The following STEAP2 variants were observed in gnomAD, a reference collection of about 807,000 sequenced individuals.
STEAP2 encodes the protein metalloreductase STEAP2.
In STEAP2, 30 loss-of-function variants were observed where a neutral mutation model predicts 46.4. The ratio of observed to expected loss-of-function variants is 0.65; its 90% confidence interval spans 0.48 to 0.88. STEAP2 has a LOEUF of 0.88. STEAP2 is among the 40% of genes least tolerant of loss of function. The pLI, the probability that STEAP2 is intolerant of heterozygous loss-of-function variation, is 0.00. For missense variants in STEAP2, 513 were observed against 579.3 expected (o/e 0.89, Z 1.18); for synonymous variants, 180 against 200.5 (o/e 0.90, Z 0.86).
chr7:90,218,905 T>C (rs1387300643), intron 2 of STEAP2, among the ~76,000 whole-genome samples: 1 of 152,194 alleles, frequency 6.6e-6, no homozygotes, highest in Non-Finnish European at 1.5e-5. Flanking sequence ...TCCATAAGCA[T>C]GGAATGTTTT....
Position 90,225,262 on chromosome 7 carries a change from T to G in STEAP2, c.180T>G (p.Ser60Arg), listed in dbSNP as rs911315862. Residue 60 changes from serine to arginine, a missense_variant, in exon 3 of 6, where the codon AGT (serine) becomes AGG (arginine). Physicochemically the swap from Ser to Arg is moderately radical, Grantham distance 110 (BLOSUM62 -1). Transcript: ENST00000394621. Reference protein sequence around the residue: ...IRCGYHVVIGSRNPKFASEFF... With the variant: ...IRCGYHVVIGRRNPKFASEFF... ...GCGGCTATCATGTGGTCATAGGAAG[T>G]AGAAATCCTAAGTTTGCTTCTGAAT... 5.0e-6 allele frequency: 8 copies of G among 1,613,942 alleles called. No homozygotes were observed. Among genetic ancestry groups the G allele is most frequent in the African/African-American group, 1.3e-5 (1 of 74,918 alleles).
rs1452968002 is a variant in STEAP2 at position 90,225,339 on chromosome 7, C to G, written c.257C>G (p.Thr86Arg). ...CATCATGAAGATGCTCTCACAAAAA[C>G]AAATATAATATTTGTTGCTATACAC... The part of the protein sequence containing the change: ...VTHHEDALTK[T>R]NIIFVAIHRE... The change falls in exon 3 of 6, where the codon ACA becomes AGA. Residue 86 changes from threonine (T) to arginine (R), a missense_variant. Coordinates refer to ENST00000394621, the MANE Select transcript of STEAP2 (RefSeq NM_001244944.2). The G allele has an allele frequency of 6.2e-7, 1 of 1,613,908 alleles. No homozygotes were observed. Among genetic ancestry groups the G allele is most frequent in the South Asian group, 1.1e-5 (1 of 91,066 alleles).
In STEAP2 at chr7:90,236,228, C is replaced by T; in HGVS notation, c.*3604C>T. ...TTTATTTATGAAATATTTAAAGTTTCTAATGTGGTATTTTAAATAAAGTAT... is the reference window on the plus strand; with the variant it reads ...TTTATTTATGAAATATTTAAAGTTTTTAATGTGGTATTTTAAATAAAGTAT... On this transcript the variant is annotated 3_prime_UTR_variant, in exon 6 of 6. Coordinates refer to ENST00000394621, the MANE Select transcript of STEAP2 (RefSeq NM_001244944.2). 1 of 831,530 alleles carries T rather than the reference C, an allele frequency of 1.2e-6. No individual in the cohort carries two copies. The highest frequency in any genetic ancestry group is 1.4e-6 in the Non-Finnish European group (1 of 690,672). The allele number at this position is 831,530 out of a possible 1,614,324, so 51.5% of individuals were successfully genotyped here.
In STEAP2 at chr7:90,232,652, T is replaced by C. The variant is rs756611596; in HGVS notation, c.*28T>C. 9 of 1,569,766 alleles carry C rather than the reference T, an allele frequency of 5.7e-6. No homozygotes were observed. Among genetic ancestry groups the C allele is most frequent in the Non-Finnish European group, 7.8e-6 (9 of 1,157,910 alleles). On this transcript the variant is annotated 3_prime_UTR_variant, in exon 6 of 6. Coordinates refer to ENST00000394621, the MANE Select transcript of STEAP2 (RefSeq NM_001244944.2). Reference sequence around the variant, plus strand: ...ACAAATGGTGTTCACAGCTGCCATATAAAGTTCTACTCATGCCATTATTTT... The same window carrying C: ...ACAAATGGTGTTCACAGCTGCCATACAAAGTTCTACTCATGCCATTATTTT...
chr7:90,231,335 A>C (rs1001340658), intron 5 of STEAP2, among the ~76,000 whole-genome samples: 1 of 151,670 alleles, frequency 6.6e-6, no homozygotes, highest in African/African-American at 2.4e-5. Flanking sequence ...ATGCTCATTT[A>C]ATTTTAATTT....
rs1158829978 is a variant in STEAP2 at position 90,229,853 on chromosome 7, A to G, written c.1021-19A>G. The G allele has an allele frequency of 2.5e-6, 4 of 1,609,008 alleles. No individual in the cohort carries two copies. Among genetic ancestry groups the G allele is most frequent in the Non-Finnish European group, 3.4e-6 (4 of 1,177,580 alleles). On this transcript the variant is annotated intron_variant, in intron 4 of 5. Coordinates refer to ENST00000394621, the MANE Select transcript of STEAP2 (RefSeq NM_001244944.2). ...ATGTTCTACTAAATAAAGGAAATTC[A>G]CATTCGCTTTCTTGTTAGGTTCATG...
rs1304997038 is a variant in STEAP2 at position 90,233,189 on chromosome 7, T to A, written c.*565T>A. 1.0e-6 allele frequency: 1 copy of A among 973,396 alleles called. No homozygotes were observed. The highest frequency in any genetic ancestry group is 1.2e-6 in the Non-Finnish European group (1 of 819,132). 60.3% of individuals were successfully genotyped at this position (973,396 alleles called of 1,614,324 possible). On this transcript the variant is annotated 3_prime_UTR_variant, in exon 6 of 6. Transcript: ENST00000394621. ...AATTGTATGAAGCAATGTGATTATA[T>A]GAAGAGACACAAATTAAAAAGACAA...
chr7:90,232,672 T>C lies in STEAP2; in HGVS notation c.*48T>C, dbSNP rs1269743314. 9 of 1,513,078 alleles carry C rather than the reference T, an allele frequency of 5.9e-6. No individual in the cohort carries two copies. The highest frequency in any genetic ancestry group is 7.1e-6 in the Non-Finnish European group (8 of 1,130,620). 93.7% of individuals were successfully genotyped at this position (1,513,078 alleles called of 1,614,324 possible). On this transcript the variant is annotated 3_prime_UTR_variant, in exon 6 of 6. Coordinates refer to ENST00000394621, the MANE Select transcript of STEAP2 (RefSeq NM_001244944.2). Reference sequence around the variant, plus strand: ...CCATATAAAGTTCTACTCATGCCATTATTTTTATGACTTCTACGTTCAGTT... The same window carrying C: ...CCATATAAAGTTCTACTCATGCCATCATTTTTATGACTTCTACGTTCAGTT...
chr7:90,225,647 T>C (rs1795458923), intron 3 of STEAP2, 73 bp downstream of exon 3: 1 of 1,438,498 alleles, frequency 7.0e-7, no homozygotes, highest in African/African-American at 1.4e-5. Flanking sequence ...TATCAAACAT[T>C]TTAATACCAA....
rs184224039 is a variant in STEAP2 at position 90,236,969 on chromosome 7, C to G, written c.*4345C>G. On this transcript the variant is annotated 3_prime_UTR_variant, in exon 6 of 6. Coordinates refer to ENST00000394621, the MANE Select transcript of STEAP2 (RefSeq NM_001244944.2). Reference sequence around the variant, plus strand: ...CCTATTGACTCTACTTCTTTAAAAGCGGCTGCCCATTACATTCCTCAGCTG... The same window carrying G: ...CCTATTGACTCTACTTCTTTAAAAGGGGCTGCCCATTACATTCCTCAGCTG... 6.2e-7 allele frequency: 1 copy of G among 1,613,756 alleles called. No individual in the cohort carries two copies. Among genetic ancestry groups the G allele is most frequent in the Non-Finnish European group, 8.5e-7 (1 of 1,179,802 alleles).
chr7:90,241,191 C>CAG (rs398073100), downstream of STEAP2, among the ~76,000 whole-genome samples: 40 of 151,576 alleles, frequency 2.6e-4, no homozygotes, highest in Non-Finnish European at 5.9e-5. Flanking sequence ...CACACACACA[C>CAG]TCACACACAT....
intron 4 of STEAP2, 44 bp downstream of exon 4, chr7:90,227,542 T>A (rs758321950): frequency 2.1e-5 from 31 of 1,456,990 alleles, no homozygotes; most frequent in Non-Finnish European, 2.6e-5. Context: ...GTAAAATACT[T>A]TTTATTAGTA....
Position 90,227,214 on chromosome 7 carries a change from GA to G in STEAP2, c.737del (p.Asp246AlafsTer7), listed in dbSNP as rs748383561. The G allele has an allele frequency of 5.6e-6, 9 of 1,613,820 alleles. No individual in the cohort carries two copies. The highest frequency in any genetic ancestry group is 2.5e-6 in the Non-Finnish European group (3 of 1,179,854). On this transcript the variant is annotated frameshift_variant, in exon 4 of 6. Coordinates refer to ENST00000394621, the MANE Select transcript of STEAP2 (RefSeq NM_001244944.2). ...IHPYARNQQS[D>X]FYKIPIEIVN... Reference sequence around the variant, plus strand: ...TCCATATGCTAGAAACCAACAGAGTGACTTTTACAAAATTCCTATAGAGATT... The same window carrying G: ...TCCATATGCTAGAAACCAACAGAGTGCTTTTACAAAATTCCTATAGAGATT...
intron 2 of STEAP2, among the ~76,000 whole-genome samples, chr7:90,217,670 T>C (rs1795077274): frequency 7.0e-6 from 1 of 143,270 alleles, no homozygotes; most frequent in Non-Finnish European, 1.5e-5. Flanking sequence ...GACATGTAGA[T>C]TGATTCCATA....
In STEAP2 at chr7:90,211,861, A is replaced by G. The variant is rs1204435118; in HGVS notation, c.-331A>G. On this transcript the variant is annotated 5_prime_UTR_variant, in exon 1 of 6. Coordinates refer to ENST00000394621, the MANE Select transcript of STEAP2 (RefSeq NM_001244944.2). ...CTTCCTTCTCCCCTGGCTGTTCGCG[A>G]TCCAGCTTGGGTAGGCGGGGAAGCA... The G allele has an allele frequency of 6.6e-6, 1 of 152,362 alleles. No homozygotes were observed. The highest frequency in any genetic ancestry group is 1.5e-5 in the Non-Finnish European group (1 of 68,180). 9.4% of individuals were successfully genotyped at this position (152,362 alleles called of 1,614,324 possible).
At position 90,225,357 on chromosome 7, in the gene STEAP2, C is replaced by G. The variant is rs745361732; in HGVS notation, c.275C>G (p.Ala92Gly). Reference protein sequence around the residue: ...ALTKTNIIFVAIHREHYTSLW... With the variant: ...ALTKTNIIFVGIHREHYTSLW... ...ACAAAAACAAATATAATATTTGTTGCTATACACAGAGAACATTATACCTCC... is the reference window on the plus strand; with the variant it reads ...ACAAAAACAAATATAATATTTGTTGGTATACACAGAGAACATTATACCTCC... Residue 92 changes from alanine to glycine, a missense_variant, in exon 3 of 6, where the codon GCT becomes GGT. Transcript: ENST00000394621. 6.2e-6 allele frequency: 10 copies of G among 1,613,694 alleles called. No individual in the cohort carries two copies. In the South Asian group the frequency reaches 1.1e-4, roughly 18 times the overall value.
At chr7:90,218,064 T>C (rs1339437848) in intron 2 of STEAP2, among the ~76,000 whole-genome samples, 2 of 152,180 alleles carry the variant, frequency 1.3e-5, no homozygotes, top group East Asian at 3.9e-4. Context: ...CATTTGTTTG[T>C]CTTCTTTGGA....
intron 3 of STEAP2, 95 bp from the exon 4 acceptor site, chr7:90,226,876 G>A: frequency 4.1e-6 from 5 of 1,209,048 alleles, no homozygotes; most frequent in Non-Finnish European, 5.8e-6. Flanking sequence ...ATTCCTCAAG[G>A]TCATCACAGG....
At chr7:90,222,041 C>T (rs531472892) in intron 2 of STEAP2, among the ~76,000 whole-genome samples, 15 of 152,222 alleles carry the variant, frequency 9.9e-5, no homozygotes, top group African/African-American at 3.6e-4. Flanking sequence ...CTTGGATTCC[C>T]TTGTGTGAAT....
Sources: allele counts gnomAD v4.1 joint callset (sites outside exome capture counted in the v4.1 genomes callset), GRCh38; gene constraint gnomAD v4.1.1; transcripts MANE v1.5; gene names NCBI Gene and HGNC (gene_info 2026-07-23, HGNC 2026-07-21).